The following KCNAB1 variants were observed in gnomAD, a reference collection of about 807,000 sequenced individuals.
KCNAB1 encodes voltage-gated potassium channel subunit beta-1.
In KCNAB1, 35 loss-of-function variants were observed where a neutral mutation model predicts 64.6. The observed-to-expected ratio is 0.54, with a 90% CI of 0.41 to 0.72. The LOEUF (loss-of-function observed/expected upper bound fraction) is 0.72, where lower values mean the gene tolerates loss of function less well. KCNAB1 is among the 30% of genes least tolerant of loss of function. The pLI is 0.00. For missense variants in KCNAB1, 401 were observed against 512.9 expected (o/e 0.78, Z 2.11); for synonymous variants, 177 against 183.8 (o/e 0.96, Z 0.30).
chr3:156,188,724 T>G (rs1337337052), intron 1 of KCNAB1, among the ~76,000 whole-genome samples: 1 of 152,258 alleles, frequency 6.6e-6, no homozygotes, highest in African/African-American at 2.4e-5. Context: ...AACGTATGTT[T>G]GAAAATGTAA....
At chr3:156,401,821 C>T (rs552597503) in intron 1 of KCNAB1, among the ~76,000 whole-genome samples, 11 of 150,940 alleles carry the variant, frequency 7.3e-5, no homozygotes, top group Admixed American at 6.6e-4. Context: ...GATTGCCTGG[C>T]AAGGCAGCAT....
At chr3:156,468,910 T>C (rs1713645391) in intron 7 of KCNAB1, among the ~76,000 whole-genome samples, 1 of 152,238 alleles carries the variant, frequency 6.6e-6, no homozygotes, top group African/African-American at 2.4e-5. Flanking sequence ...TGCCCTAGCA[T>C]TCCTGCTCCA....
intron 8 of KCNAB1, among the ~76,000 whole-genome samples, chr3:156,480,451 C>T (rs564974150): frequency 6.6e-6 from 1 of 151,474 alleles, no homozygotes; most frequent in South Asian, 2.1e-4. Flanking sequence ...GCCTAGATGA[C>T]GGGTTGATGG....
intron 2 of KCNAB1, among the ~76,000 whole-genome samples, chr3:156,447,580 T>C (rs916798416): frequency 6.6e-5 from 10 of 152,212 alleles, no homozygotes; most frequent in East Asian, 3.8e-4. Flanking sequence ...ACCTGCACTA[T>C]AGAATTTTAT....
intron 1 of KCNAB1, among the ~76,000 whole-genome samples, chr3:156,248,623 A>C (rs1717615810): frequency 1.3e-5 from 2 of 152,186 alleles, no homozygotes; most frequent in South Asian, 4.1e-4. Context: ...TACCTAATTC[A>C]ATATAATCTC....
At chr3:156,479,835 G>C (rs1576920324) in intron 8 of KCNAB1, among the ~76,000 whole-genome samples, 1 of 152,016 alleles carries the variant, frequency 6.6e-6, no homozygotes, top group African/African-American at 2.4e-5. Flanking sequence ...TTTCAAATAA[G>C]AGAAGCAAGA....
rs150507254 is a variant in KCNAB1 at position 156,322,763 on chromosome 3, C to G, written c.276-98853C>G. Among the ~76,000 whole-genome samples the G allele has an allele frequency of 3.9e-3, 594 of 152,292 alleles. 5 individuals are homozygous for G. Among genetic ancestry groups the G allele is most frequent in the African/African-American group, 0.014 (562 of 41,564 alleles). On this transcript the variant is annotated intron_variant, in intron 1 of 13. Transcript: ENST00000490337. ...AACATTTTAATATTTAACAGAACCACTGGTTTCCAAGGGATTCCCTTTAGA... is the reference window on the plus strand; with the variant it reads ...AACATTTTAATATTTAACAGAACCAGTGGTTTCCAAGGGATTCCCTTTAGA...
At chr3:156,223,809 C>T (rs1191705855) in intron 1 of KCNAB1, among the ~76,000 whole-genome samples, 1 of 152,242 alleles carries the variant, frequency 6.6e-6, no homozygotes, top group African/African-American at 2.4e-5. Context: ...CATAAAGGTT[C>T]TCCAAGTCCC....
chr3:156,439,852 C>T (rs1298801020), intron 2 of KCNAB1, among the ~76,000 whole-genome samples: 2 of 152,214 alleles, frequency 1.3e-5, no homozygotes, highest in Non-Finnish European at 2.9e-5. Flanking sequence ...CTCCCTGGAT[C>T]GATGCTGACC....
chr3:156,531,145 G>A (rs75296490), intron 12 of KCNAB1, among the ~76,000 whole-genome samples: 92 of 152,278 alleles, frequency 6.0e-4, no homozygotes, highest in African/African-American at 1.8e-3. Context: ...GCAGCTGAGC[G>A]TGCTGGAGAG....
chr3:156,143,566 C>CTTT, intron 1 of KCNAB1: 2 of 159,586 alleles, frequency 1.3e-5, no homozygotes, highest in Non-Finnish European at 2.1e-5. Flanking sequence ...GGGTTGCATT[C>CTTT]TTGTTTTTTT....
At chr3:156,322,115 G>A (rs143686660) in intron 1 of KCNAB1, among the ~76,000 whole-genome samples, 2,148 of 152,280 alleles carry the variant, frequency 0.014, 21 homozygotes, top group South Asian at 0.031. Flanking sequence ...CTCGCACAGC[G>A]ACAGTCACAA....
chr3:156,212,567 G>A (rs1248572778), intron 1 of KCNAB1, among the ~76,000 whole-genome samples: 1 of 152,160 alleles, frequency 6.6e-6, no homozygotes, highest in Non-Finnish European at 1.5e-5. Context: ...AGGGAGACAA[G>A]CAGACAAATG....
At chr3:156,462,091 T>A (rs1712956350) in intron 5 of KCNAB1, among the ~76,000 whole-genome samples, 1 of 152,246 alleles carries the variant, frequency 6.6e-6, no homozygotes, top group African/African-American at 2.4e-5. Flanking sequence ...AGATAAGGTA[T>A]GCAAAAGCAT....
intron 1 of KCNAB1, among the ~76,000 whole-genome samples, chr3:156,254,265 C>T (rs539015669): frequency 2.0e-4 from 31 of 152,310 alleles, no homozygotes; most frequent in African/African-American, 7.5e-4. Flanking sequence ...GCTACCTGCC[C>T]TCTGCAGGTA....
chr3:156,236,752 C>T (rs1716871161), intron 1 of KCNAB1, among the ~76,000 whole-genome samples: 1 of 152,056 alleles, frequency 6.6e-6, no homozygotes, highest in African/African-American at 2.4e-5. Flanking sequence ...TGGCTACTTC[C>T]AGTACTCTGT....
intron 1 of KCNAB1, among the ~76,000 whole-genome samples, chr3:156,396,945 T>C (rs1173183107): frequency 6.6e-6 from 1 of 152,166 alleles, no homozygotes; most frequent in Non-Finnish European, 1.5e-5. Flanking sequence ...CAAACACATA[T>C]GGTAAGAATC....
At chr3:156,415,925 C>A (rs563475967) in intron 1 of KCNAB1, among the ~76,000 whole-genome samples, 1 of 152,158 alleles carries the variant, frequency 6.6e-6, no homozygotes, top group Non-Finnish European at 1.5e-5. Context: ...GCCCAAAGAT[C>A]CAAAACCGTT....
At chr3:156,334,017 A>G (rs1315841212) in intron 1 of KCNAB1, among the ~76,000 whole-genome samples, 1 of 152,210 alleles carries the variant, frequency 6.6e-6, no homozygotes, top group African/African-American at 2.4e-5. Flanking sequence ...TTTAATTTGT[A>G]TGTATTCAAA....
Sources: allele counts gnomAD v4.1 joint callset (sites outside exome capture counted in the v4.1 genomes callset), GRCh38; gene constraint gnomAD v4.1.1; transcripts MANE v1.5; gene names NCBI Gene and HGNC (gene_info 2026-07-23, HGNC 2026-07-21).